RHBDL2: variants seen among roughly 807,000 people sequenced by gnomAD.
RHBDL2 encodes the protein rhomboid like 2, also known as rhomboid-related protein 2.
RHBDL2 carries 26 observed loss-of-function variants against 31.7 expected under a neutral mutation model. The ratio of observed to expected loss-of-function variants is 0.82; its 90% CI spans 0.60 to 1.14. RHBDL2 has a LOEUF of 1.14. Among genes scored for constraint, RHBDL2 ranks in the 50% most tolerant of loss-of-function variants. RHBDL2 has a pLI of 0.00. For synonymous variants in RHBDL2, 123 were observed against 127.2 expected, an observed-to-expected ratio of 0.97 and a Z score of 0.22; for missense variants, 336 against 364.4, an observed-to-expected ratio of 0.92 and a Z score of 0.63.
chr1:38,931,379 G>A (rs1048452868), intron 1 of RHBDL2, among the ~76,000 whole-genome samples: 4 of 152,028 alleles, frequency 2.6e-5, no homozygotes, highest in African/African-American at 9.7e-5. Flanking sequence ...AAATTAGCTG[G>A]GCGTGTTGGC....
intron 1 of RHBDL2, among the ~76,000 whole-genome samples, chr1:38,919,556 CACATA>C (rs149842893): frequency 0.15 from 23,280 of 151,756 alleles, 2,180 homozygotes; most frequent in Non-Finnish European, 0.21. Context: ...TGGTGAAATA[CACATA>C]ACATAAAATT....
intron 6 of RHBDL2, among the ~76,000 whole-genome samples, chr1:38,891,116 A>C (rs1446725209): frequency 1.3e-5 from 2 of 152,006 alleles, no homozygotes; most frequent in Non-Finnish European, 2.9e-5. Context: ...TAAAAATACA[A>C]TAATTAGCCA....
At chr1:38,911,478 A>G (rs757753832) in intron 3 of RHBDL2, 44 bp from the exon 4 acceptor site, 2 of 1,314,212 alleles carry the variant, frequency 1.5e-6, no homozygotes, top group South Asian at 1.2e-5. Flanking sequence ...GACTAAACCA[A>G]GCAGTTATTT....
intron 1 of RHBDL2, among the ~76,000 whole-genome samples, chr1:38,923,863 G>A (rs530707063): frequency 2.6e-5 from 4 of 152,100 alleles, no homozygotes; most frequent in East Asian, 1.9e-4. Context: ...GAAAGGCCTC[G>A]CATACACAGA....
intron 2 of RHBDL2, among the ~76,000 whole-genome samples, chr1:38,917,421 A>G (rs961799419): frequency 1.3e-5 from 2 of 152,180 alleles, no homozygotes; most frequent in Non-Finnish European, 2.9e-5. Flanking sequence ...AGAGGCAGGT[A>G]TCTCAGCATC....
rs547790628 is a variant in RHBDL2 at position 38,920,607 on chromosome 1, C to CTTTTTTTTTTTTTTTTTTTT, written c.-125-1271_-125-1270insAAAAAAAAAAAAAAAAAAAA. On this transcript the variant is annotated intron_variant, in intron 1 of 7. Transcript: ENST00000372990. ...GTGAACATCCCTGTACAAGTTTTCTCTTTTTTTTTTTTTTTTTGAGACAGA... is the reference window on the plus strand; with the variant it reads ...GTGAACATCCCTGTACAAGTTTTCTCTTTTTTTTTTTTTTTTTTTTTTTTTTTTTTTTTTTTTGAGACAGA... 3.1e-5 allele frequency among the ~76,000 whole-genome samples: 4 copies of CTTTTTTTTTTTTTTTTTTTT among 129,060 alleles called. No individual in the cohort carries two copies. The East Asian group carries it at 7.1e-4, about 23-fold the overall frequency. The allele number at this position is 129,060 out of a possible 152,430, so 84.7% of individuals were successfully genotyped here.
At chr1:38,935,795 G>A (rs905805882) in intron 1 of RHBDL2, among the ~76,000 whole-genome samples, 1 of 151,890 alleles carries the variant, frequency 6.6e-6, no homozygotes, top group African/African-American at 2.4e-5. Flanking sequence ...GTATTTTTTT[G>A]TAGAGACAGG....
At chr1:38,914,501 C>G (rs1404490350) in intron 3 of RHBDL2, among the ~76,000 whole-genome samples, 2 of 151,764 alleles carry the variant, frequency 1.3e-5, no homozygotes, top group Non-Finnish European at 2.9e-5. Flanking sequence ...CTCAGCCTCC[C>G]AAAGTGCTGG....
chr1:38,902,301 G>T (rs1373968794), intron 4 of RHBDL2, among the ~76,000 whole-genome samples: 2 of 144,804 alleles, frequency 1.4e-5, no homozygotes, highest in African/African-American at 5.0e-5. Flanking sequence ...GACTTCCTAG[G>T]CTCAGGTGAT....
intron 1 of RHBDL2, among the ~76,000 whole-genome samples, chr1:38,919,610 C>CT (rs1372817134): frequency 0.024 from 3,431 of 145,694 alleles, 119 homozygotes; most frequent in African/African-American, 0.078. Flanking sequence ...TATATTTTTT[C>CT]TTTTTTTTTT....
intron 1 of RHBDL2, chr1:38,926,623 G>A (rs1643379958): frequency 6.6e-6 from 1 of 151,930 alleles, no homozygotes; most frequent in Non-Finnish European, 1.5e-5. Context: ...GATCACCTGA[G>A]GTCGGGCATT....
intron 4 of RHBDL2, among the ~76,000 whole-genome samples, chr1:38,900,889 A>G (rs909329530): frequency 3.3e-5 from 5 of 151,728 alleles, no homozygotes; most frequent in Admixed American, 2.6e-4. Context: ...CTCTACTAAA[A>G]ATACAAAAAT....
intron 5 of RHBDL2, among the ~76,000 whole-genome samples, chr1:38,894,960 C>T (rs1642899064): frequency 6.6e-6 from 1 of 152,162 alleles, no homozygotes. Context: ...TCACCTTGGC[C>T]TCCCACAGTG....
chr1:38,926,560 G>T (rs76615374), intron 1 of RHBDL2: 23,547 of 152,302 alleles, frequency 0.15, 2,379 homozygotes, highest in Non-Finnish European at 0.22. Context: ...ACTCGGGCAG[G>T]GCGCGGTGGC....
At chr1:38,923,373 G>T (rs183189440) in intron 1 of RHBDL2, among the ~76,000 whole-genome samples, 4 of 152,308 alleles carry the variant, frequency 2.6e-5, no homozygotes, top group East Asian at 1.9e-4. Context: ...CTTCAGCGGG[G>T]TTGCTGTATT....
chr1:38,906,675 A>AG, intron 4 of RHBDL2, among the ~76,000 whole-genome samples: 1 of 149,546 alleles, frequency 6.7e-6, no homozygotes, highest in African/African-American at 2.4e-5. Context: ...CTCCATCTCA[A>AG]AAAAAAAAAA....
intron 4 of RHBDL2, among the ~76,000 whole-genome samples, chr1:38,904,482 G>GA (rs58919988): frequency 6.8e-5 from 10 of 146,856 alleles, no homozygotes; most frequent in Middle Eastern, 3.2e-3. Flanking sequence ...AAAAAAAAAA[G>GA]AAAAAAAAAA....
At chr1:38,908,903 AG>A (rs1301192040) in intron 4 of RHBDL2, among the ~76,000 whole-genome samples, 2 of 152,196 alleles carry the variant, frequency 1.3e-5, no homozygotes, top group African/African-American at 4.8e-5. Context: ...GTGGGCTTGG[AG>A]AATGAGTGCA....
At chr1:38,897,766 A>T (rs571357469) in intron 4 of RHBDL2, among the ~76,000 whole-genome samples, 19 of 152,280 alleles carry the variant, frequency 1.2e-4, no homozygotes, top group African/African-American at 4.3e-4. Flanking sequence ...AGAAGAAGGT[A>T]TTCAGGACTT....
Sources: gnomAD v4.1 joint callset for allele counts (sites outside exome capture counted in the v4.1 genomes callset) on GRCh38, gnomAD v4.1.1 for gene constraint, MANE v1.5 for transcripts, NCBI Gene and HGNC (gene_info 2026-07-23, HGNC 2026-07-21) for gene names.